STX8: variants seen among roughly 807,000 people sequenced by gnomAD.
The protein encoded by STX8 is syntaxin-8.
STX8 carries 23 observed loss-of-function variants against 37.5 expected under a neutral mutation model. The ratio of observed to expected loss-of-function variants is 0.61; its 90% CI spans 0.44 to 0.87. The LOEUF (loss-of-function observed/expected upper bound fraction) is 0.87. Among genes scored for constraint, STX8 ranks in the 40% least tolerant of loss-of-function variants. STX8 has a pLI of 0.00. For synonymous variants in STX8, 115 were observed against 99.1 expected, an observed-to-expected ratio of 1.16 and a Z score of -0.95; for missense variants, 313 against 284.7, an observed-to-expected ratio of 1.10 and a Z score of -0.71.
At chr17:9,500,733 T>C (rs537612550) in intron 5 of STX8, among the ~76,000 whole-genome samples, 1 of 152,370 alleles carries the variant, frequency 6.6e-6, no homozygotes, top group South Asian at 2.1e-4. Context: ...CCGGGCGTGC[T>C]GGCTCACGCC....
chr17:9,555,093 T>C (rs1790417960), intron 3 of STX8: 1 of 152,214 alleles, frequency 6.6e-6, no homozygotes. Flanking sequence ...GAATTTTTGA[T>C]GTCTCCTGGT....
At chr17:9,292,663 G>A (rs548361450) in intron 7 of STX8, among the ~76,000 whole-genome samples, 2 of 152,242 alleles carry the variant, frequency 1.3e-5, no homozygotes, top group East Asian at 3.9e-4. Flanking sequence ...CTTTACTTTG[G>A]CATTGAACCC....
In STX8 at chr17:9,507,937, C is replaced by A. The variant is rs1300143468; in HGVS notation, c.324-2775G>T. On this transcript the variant is annotated intron_variant, in intron 4 of 7. Transcript: ENST00000306357. The surrounding 1 kb of genome is among the most constrained non-coding windows in gnomAD (Gnocchi z 4.0). Reference sequence around the variant, plus strand: ...ATTCATACAAATATTTCTTTCCCTGCAAAACCTACCACATAAAATTGGAAG... The same window carrying A: ...ATTCATACAAATATTTCTTTCCCTGAAAAACCTACCACATAAAATTGGAAG... Among the ~76,000 whole-genome samples the A allele has an allele frequency of 1.3e-5, 2 of 152,162 alleles. No homozygotes were observed. The highest frequency in any genetic ancestry group is 3.9e-4 in the East Asian group (2 of 5,194).
At chr17:9,333,952 G>A (rs7217898) in intron 7 of STX8, among the ~76,000 whole-genome samples, 147,283 of 152,180 alleles carry the variant, frequency 0.97, 71,442 homozygotes, top group East Asian at 1. Flanking sequence ...TCACAGAACC[G>A]GCTGAGCAGG....
intron 7 of STX8, among the ~76,000 whole-genome samples, chr17:9,312,646 A>AG (rs751000447): frequency 6.6e-6 from 1 of 152,230 alleles, no homozygotes; most frequent in African/African-American, 2.4e-5. Context: ...CTGATTTGTT[A>AG]GGAGAGCAAG....
chr17:9,280,281 C>G (rs776317467), intron 7 of STX8, among the ~76,000 whole-genome samples: 1 of 152,152 alleles, frequency 6.6e-6, no homozygotes, highest in Non-Finnish European at 1.5e-5. Flanking sequence ...GATGAACGGC[C>G]GGGCACAGTG....
intron 6 of STX8, among the ~76,000 whole-genome samples, chr17:9,457,962 T>C (rs1226152048): frequency 6.6e-6 from 1 of 152,252 alleles, no homozygotes; most frequent in Non-Finnish European, 1.5e-5. Context: ...TCAGCCATCA[T>C]ATTCACTATA....
intron 6 of STX8, among the ~76,000 whole-genome samples, chr17:9,381,763 G>GT (rs1241112173): frequency 2.0e-5 from 3 of 152,220 alleles, no homozygotes; most frequent in African/African-American, 7.2e-5. Context: ...AAGGTCAGGA[G>GT]TTTGAGACCA....
intron 7 of STX8, among the ~76,000 whole-genome samples, chr17:9,317,143 G>A (rs998988786): frequency 3.3e-5 from 5 of 152,144 alleles, no homozygotes; most frequent in Non-Finnish European, 5.9e-5. Flanking sequence ...AGGCATAAAA[G>A]AGCCATAGCT....
At chr17:9,464,668 T>C (rs1276511653) in intron 6 of STX8, 1 of 151,448 alleles carries the variant, frequency 6.6e-6, no homozygotes, top group Non-Finnish European at 1.5e-5. Context: ...GGGAGGGACC[T>C]AGATGCAGGG....
In STX8 at chr17:9,284,543, GGATAAAGTAGGAAAGTTCAGAA is replaced by G. The variant is rs149287940; in HGVS notation, c.644-33920_644-33899del. On this transcript the variant is annotated intron_variant, in intron 7 of 7. Coordinates refer to ENST00000306357, the MANE Select transcript of STX8 (RefSeq NM_004853.3). ...CCTCAGAAGCTCACAGTTTACATAT[GGATAAAGTAGGAAAGTTCAGAA>G]GATATGAGCAATGACAGTTGTTTAA... Among the ~76,000 whole-genome samples the G allele has an allele frequency of 8.9e-3, 1,352 of 152,246 alleles. 16 individuals carry two copies. The highest frequency in any genetic ancestry group is 0.031 in the African/African-American group (1,288 of 41,530).
chr17:9,441,558 G>A (rs1051559236), intron 6 of STX8, among the ~76,000 whole-genome samples: 2 of 150,626 alleles, frequency 1.3e-5, no homozygotes, highest in Admixed American at 6.6e-5. Flanking sequence ...ACTCCTGATC[G>A]TCCTCATTCT....
intron 7 of STX8, among the ~76,000 whole-genome samples, chr17:9,348,417 C>CAAA (rs1190839413): frequency 1.6e-4 from 16 of 99,416 alleles, no homozygotes; most frequent in South Asian, 3.6e-4. Flanking sequence ...GACTCTGTCT[C>CAAA]AAAAAAAAAA....
At chr17:9,547,794 TTTG>T (rs1345011600) in intron 3 of STX8, among the ~76,000 whole-genome samples, 245 of 139,856 alleles carry the variant, frequency 1.8e-3, no homozygotes, top group African/African-American at 5.9e-3. Flanking sequence ...TTTTTTTTTT[TTTG>T]TTTTGTTTTG....
At chr17:9,565,106 G>C (rs1316482506) in intron 2 of STX8, among the ~76,000 whole-genome samples, 3 of 152,234 alleles carry the variant, frequency 2.0e-5, no homozygotes, top group African/African-American at 7.2e-5. Flanking sequence ...TACCTGGGAG[G>C]CTGAGGCACG....
chr17:9,317,375 TGAAAACAGGATTCACTGAA>T (rs1909416471), intron 7 of STX8, among the ~76,000 whole-genome samples: 2 of 152,158 alleles, frequency 1.3e-5, no homozygotes, highest in South Asian at 4.1e-4. Context: ...GAAATGGGGC[TGAAAACAGGATTCACTGAA>T]GATCTTTACA....
intron 6 of STX8, among the ~76,000 whole-genome samples, chr17:9,397,309 T>C (rs1388660864): frequency 6.6e-6 from 1 of 152,146 alleles, no homozygotes; most frequent in Non-Finnish European, 1.5e-5. Flanking sequence ...GGCAGGAGAA[T>C]TGCTTGAACC....
intron 3 of STX8, among the ~76,000 whole-genome samples, chr17:9,546,588 G>A (rs1906525453): frequency 2.0e-5 from 1 of 48,894 alleles, no homozygotes; most frequent in African/African-American, 8.3e-5. Context: ...AACTACAAAA[G>A]TGGTTTTTTT....
At chr17:9,545,352 G>A (rs920145006) in intron 3 of STX8, 70 bp from the exon 4 acceptor site, 21 of 1,141,012 alleles carry the variant, frequency 1.8e-5, no homozygotes, top group Non-Finnish European at 2.8e-5. Flanking sequence ...TATTAAGTTA[G>A]CTCTTCAAGT....
Sources: allele counts gnomAD v4.1 joint callset (sites outside exome capture counted in the v4.1 genomes callset), GRCh38; gene constraint gnomAD v4.1.1; non-coding constraint Gnocchi (gnomAD v3.1); transcripts MANE v1.5; gene names NCBI Gene and HGNC (gene_info 2026-07-23, HGNC 2026-07-21).